Variants in CTPS2 observed in about 807,000 individuals in gnomAD.
CTPS2 encodes the protein CTP synthase II.
CTPS2 carries 19 observed loss-of-function variants against 46.8 expected under a neutral mutation model. The observed-to-expected ratio is 0.41, with a 90% confidence interval of 0.28 to 0.60. The LOEUF (loss-of-function observed/expected upper bound fraction) is 0.60, where lower values mean the gene tolerates loss of function less well. Ranked by LOEUF, CTPS2 falls within the 20% of genes least tolerant of loss-of-function variation. The pLI is 0.35. For synonymous variants in CTPS2, 151 were observed against 165.2 expected (o/e 0.91, Z 0.66); for missense variants, 286 against 447.6 (o/e 0.64, Z 3.26).
chrX:16,606,927 C>T (rs1930007093), intron 17 of CTPS2, among the ~76,000 whole-genome samples: 1 of 112,114 alleles, frequency 8.9e-6, no homozygotes, highest in Non-Finnish European at 1.9e-5. Flanking sequence ...AATTTTTGTA[C>T]ATTTAGTAGA....
At chrX:16,608,954 C>T (rs1930126290) in intron 17 of CTPS2, among the ~76,000 whole-genome samples, 1 of 111,106 alleles carries the variant, frequency 9.0e-6, no homozygotes, top group South Asian at 3.8e-4. Context: ...TATAATCTTT[C>T]CATAAGGAAA....
chrX:16,670,343 G>A (rs5978785), intron 11 of CTPS2, among the ~76,000 whole-genome samples: 13,642 of 111,800 alleles, frequency 0.12, 1,211 homozygotes, highest in African/African-American at 0.31. Context: ...CACAAAAGCA[G>A]CCATAGACAA....
At chrX:16,607,471 C>T (rs924598976) in intron 17 of CTPS2, among the ~76,000 whole-genome samples, 1 of 112,632 alleles carries the variant, frequency 8.9e-6, no homozygotes, top group African/African-American at 3.2e-5. Context: ...GGCCTGCTCC[C>T]GCAGCAGCCC....
chrX:16,650,973 A>C (rs759717847), intron 13 of CTPS2: 5 of 1,183,298 alleles, frequency 4.2e-6, no homozygotes, highest in Middle Eastern at 2.3e-4. Context: ...CTTTTTGGTA[A>C]GTTTATTTTC....
In CTPS2 at chrX:16,608,322, C is replaced by T. The variant is rs764872774; in HGVS notation, c.1691+1219G>A. ...ATTGTACAGGCTGGGCACAGTGGCT[C>T]ATACCTATAATGCCAGCACTTTGGG... is the stretch of plus-strand genomic sequence containing the variant. On this transcript the variant is annotated intron_variant, in intron 17 of 18. Coordinates refer to ENST00000359276, the MANE Select transcript of CTPS2 (RefSeq NM_175859.3). 6.4e-3 allele frequency among the ~76,000 whole-genome samples: 712 copies of T among 111,564 alleles called. 4 individuals carry two copies. Among genetic ancestry groups the T allele is most frequent in the Non-Finnish European group, 0.011 (589 of 53,120 alleles).
intron 17 of CTPS2, among the ~76,000 whole-genome samples, chrX:16,592,789 G>A (rs1602104143): frequency 8.9e-6 from 1 of 112,058 alleles, no homozygotes; most frequent in Admixed American, 9.5e-5. Flanking sequence ...AAGAGTTGGA[G>A]AAATAATTTT....
At chrX:16,605,011 A>C (rs1009147915) in intron 17 of CTPS2, among the ~76,000 whole-genome samples, 6 of 112,258 alleles carry the variant, frequency 5.3e-5, no homozygotes, top group African/African-American at 1.9e-4. Context: ...CTATCTTTCA[A>C]AGGGCCTGCT....
chrX:16,605,799 G>A (rs1929939886), intron 17 of CTPS2, among the ~76,000 whole-genome samples: 1 of 112,633 alleles, frequency 8.9e-6, no homozygotes, highest in Admixed American at 9.4e-5. Flanking sequence ...CCAAAGTGTG[G>A]GCAGTCTTGG....
In CTPS2 at chrX:16,655,173, C is replaced by G. The variant is rs765204295; in HGVS notation, c.1296+12341G>C. Among the ~76,000 whole-genome samples the G allele has an allele frequency of 5.4e-5, 6 of 112,138 alleles. No homozygotes were observed. The East Asian group carries it at 1.7e-3, about 31-fold the overall frequency. On this transcript the variant is annotated intron_variant, in intron 13 of 18. Transcript: ENST00000359276. Reference sequence around the variant, plus strand: ...ACAGACAGTTGACGTCATGCTATCTCCCAGCACTCGCTGTGCTTTCTTAAT... The same window carrying G: ...ACAGACAGTTGACGTCATGCTATCTGCCAGCACTCGCTGTGCTTTCTTAAT...
chrX:16,639,777 AAAAGAAAGAAAG>A (rs10682704), intron 13 of CTPS2, among the ~76,000 whole-genome samples: 1,161 of 72,658 alleles, frequency 0.016, 21 homozygotes, highest in African/African-American at 0.036. Context: ...AAAGGAAAAG[AAAAGAAAGAAAG>A]AAAGAAAGAA....
intron 13 of CTPS2, among the ~76,000 whole-genome samples, chrX:16,649,759 G>A (rs1259088051): frequency 8.9e-6 from 1 of 112,360 alleles, no homozygotes; most frequent in Non-Finnish European, 1.9e-5. Context: ...CCAAAGTGCT[G>A]GGATTACAGG....
At chrX:16,626,124 G>A (rs1931131669) in intron 14 of CTPS2, among the ~76,000 whole-genome samples, 1 of 111,511 alleles carries the variant, frequency 9.0e-6, no homozygotes, top group African/African-American at 3.3e-5. Context: ...GCTCATGCCT[G>A]TAATCCCAGC....
In CTPS2 at chrX:16,683,096, T is replaced by C. The variant is rs763009067; in HGVS notation, c.1003A>G (p.Met335Val). 19 of 1,211,259 alleles carry C rather than the reference T, an allele frequency of 1.6e-5. No homozygotes were observed. The highest frequency in any genetic ancestry group is 2.1e-5 in the Non-Finnish European group (19 of 895,304). ...ALAINHKLNLMYIDSIDLEKI... is the reference protein window; with the variant it reads ...ALAINHKLNLVYIDSIDLEKI... ...CAAAAGACCAGGCCAGGACTCACCA[T>C]CAGATTCAACTTGTGGTTGATGGCC... Residue 335 changes from methionine to valine, a missense_variant and splice_region_variant, in exon 9 of 19, where the codon ATG (methionine) becomes GTG (valine). Met to Val is a conservative substitution (Grantham distance 21). Coordinates refer to ENST00000359276, the MANE Select transcript of CTPS2 (RefSeq NM_175859.3).
At chrX:16,644,436 C>A (rs1932217414) in intron 13 of CTPS2, among the ~76,000 whole-genome samples, 1 of 111,931 alleles carries the variant, frequency 8.9e-6, no homozygotes, top group African/African-American at 3.3e-5. Context: ...CCATGCCCAG[C>A]CTGTAAATTG....
At position 16,693,115 on chromosome X, in the gene CTPS2, A is replaced by G. The variant is rs1050491631; in HGVS notation, c.639+26T>C. On this transcript the variant is annotated intron_variant, in intron 6 of 18. Coordinates refer to ENST00000359276, the MANE Select transcript of CTPS2 (RefSeq NM_175859.3). ...TCCTGCTCCCAGAGACCTTCAGGAT[A>G]GACTTACCCACTGTCCTCAACTCAC... 10 of 1,059,059 alleles carry G rather than the reference A, an allele frequency of 9.4e-6. No homozygotes were observed. The African/African-American group carries it at 1.9e-4, about 20-fold the overall frequency. 87.3% of individuals were successfully genotyped at this position (1,059,059 alleles called of 1,213,427 possible).
chrX:16,670,305 C>T lies in CTPS2; in HGVS notation c.1189+275G>A, dbSNP rs142956009. Reference sequence around the variant, plus strand: ...CTTTCAGATAGTAAAGCTTCTAGGCCGTAGGGTCTGAAACTCTGACGTTGG... The same window carrying T: ...CTTTCAGATAGTAAAGCTTCTAGGCTGTAGGGTCTGAAACTCTGACGTTGG... On this transcript the variant is annotated intron_variant, in intron 11 of 18. Coordinates refer to ENST00000359276, the MANE Select transcript of CTPS2 (RefSeq NM_175859.3). 8.0e-3 allele frequency among the ~76,000 whole-genome samples: 898 copies of T among 111,930 alleles called. 3 individuals carry two copies. The highest frequency in any genetic ancestry group is 0.019 in the Middle Eastern group (4 of 215).
At chrX:16,634,739 A>G (rs1225469027) in intron 14 of CTPS2, among the ~76,000 whole-genome samples, 1 of 111,721 alleles carries the variant, frequency 9.0e-6, no homozygotes, top group Non-Finnish European at 1.9e-5. Context: ...ACCCTAAGTC[A>G]GGAATTCCAG....
At chrX:16,686,290 C>G in intron 8 of CTPS2, among the ~76,000 whole-genome samples, 1 of 111,549 alleles carries the variant, frequency 9.0e-6, no homozygotes, top group East Asian at 2.8e-4. Flanking sequence ...CTCCATTTAC[C>G]CTGATGTGAT....
At chrX:16,656,412 C>CTT (rs764147514) in intron 13 of CTPS2, among the ~76,000 whole-genome samples, 3 of 100,445 alleles carry the variant, frequency 3.0e-5, no homozygotes, top group African/African-American at 3.6e-5. Context: ...TTCCACTTTC[C>CTT]TTTTTTTTTT....
Sources: allele counts gnomAD v4.1 joint callset (sites outside exome capture counted in the v4.1 genomes callset), GRCh38; gene constraint gnomAD v4.1.1; transcripts MANE v1.5; gene names NCBI Gene and HGNC (gene_info 2026-07-23, HGNC 2026-07-21).